Variants in DENND5B observed in about 807,000 individuals in gnomAD.
The protein encoded by DENND5B is DENN domain-containing protein 5B.
A neutral mutation model predicts 140.6 loss-of-function variants in DENND5B; 34 were observed. The observed-to-expected ratio is 0.24, with a 90% CI of 0.18 to 0.32. DENND5B has a LOEUF of 0.32. Among genes scored for constraint, DENND5B ranks in the 10% least tolerant of loss-of-function variants. The pLI, the probability that DENND5B is intolerant of heterozygous loss-of-function variation, is 1.00. For synonymous variants in DENND5B, 551 were observed against 562.1 expected, an observed-to-expected ratio of 0.98 and a Z score of 0.28; for missense variants, 1,142 against 1,560.2, an observed-to-expected ratio of 0.73 and a Z score of 4.52.
intron 18 of DENND5B, 23 bp from the exon 19 acceptor site, chr12:31,392,416 C>G (rs1295510471): frequency 1.2e-6 from 2 of 1,608,720 alleles, no homozygotes; most frequent in Admixed American, 1.7e-5. Context: ...ACACACAGTG[C>G]CAAAGAAAAA....
At chr12:31,565,478 T>A (rs771559530) in intron 1 of DENND5B, among the ~76,000 whole-genome samples, 3 of 152,236 alleles carry the variant, frequency 2.0e-5, no homozygotes, top group Non-Finnish European at 4.4e-5. Flanking sequence ...ACGTAGATAG[T>A]CTACTCCTAA....
chr12:31,449,555 T>TTA (rs1243829609), intron 5 of DENND5B, among the ~76,000 whole-genome samples: 3 of 152,284 alleles, frequency 2.0e-5, no homozygotes, highest in African/African-American at 7.2e-5. Flanking sequence ...TGAAAGGTAC[T>TTA]TATAAGCCTT....
intron 1 of DENND5B, among the ~76,000 whole-genome samples, chr12:31,561,683 C>T (rs1459606849): frequency 6.6e-6 from 1 of 152,084 alleles, no homozygotes; most frequent in African/African-American, 2.4e-5. Flanking sequence ...GAAAACATTG[C>T]CATTTCCAGG....
intron 1 of DENND5B, among the ~76,000 whole-genome samples, chr12:31,575,637 C>A (rs1396648566): frequency 6.6e-6 from 1 of 151,962 alleles, no homozygotes; most frequent in African/African-American, 2.4e-5. Flanking sequence ...GGTACTAAAC[C>A]CGAAAAGATG....
chr12:31,434,691 C>A (rs576289718), intron 7 of DENND5B, among the ~76,000 whole-genome samples: 4 of 152,178 alleles, frequency 2.6e-5, no homozygotes, highest in Admixed American at 2.6e-4. Context: ...GAATTTGGAA[C>A]CTGGCTCAGT....
At position 31,515,696 on chromosome 12, in the gene DENND5B, T is replaced by C. The variant is rs187330948; in HGVS notation, c.128-19777A>G. On this transcript the variant is annotated intron_variant, in intron 1 of 20. Coordinates refer to ENST00000389082, the MANE Select transcript of DENND5B (RefSeq NM_144973.4). ...ATATACAATTAATCAGTAGAAAAAC[T>C]GTTACATAGATATGCTTTTTACACT... Among the ~76,000 whole-genome samples the C allele has an allele frequency of 4.7e-4, 71 of 152,336 alleles. 1 individual carries two copies. Among genetic ancestry groups the C allele is most frequent in the African/African-American group, 1.6e-3 (68 of 41,582 alleles).
chr12:31,387,556 G>C lies in DENND5B; in HGVS notation c.*47C>G. On this transcript the variant is annotated 3_prime_UTR_variant, in exon 21 of 21. Transcript: ENST00000389082. Reference sequence around the variant, plus strand: ...CAGACAAGTCCAAATCGGTCCCCTAGTTGGGGAAGGAGCAAGGTTTGGACT... The same window carrying C: ...CAGACAAGTCCAAATCGGTCCCCTACTTGGGGAAGGAGCAAGGTTTGGACT... The C allele has an allele frequency of 1.3e-6, 2 of 1,579,246 alleles. No individual in the cohort carries two copies. The highest frequency in any genetic ancestry group is 1.7e-6 in the Non-Finnish European group (2 of 1,156,318).
intron 1 of DENND5B, among the ~76,000 whole-genome samples, chr12:31,497,141 G>A (rs1167532107): frequency 1.3e-5 from 2 of 150,412 alleles, no homozygotes; most frequent in African/African-American, 2.4e-5. Context: ...AAAACAGATC[G>A]CAGAAGGACG....
intron 1 of DENND5B, among the ~76,000 whole-genome samples, chr12:31,509,087 T>C (rs535830400): frequency 1.2e-3 from 181 of 152,122 alleles, no homozygotes; most frequent in African/African-American, 4.2e-3. Flanking sequence ...AAGTCTTCCT[T>C]CCTCCCTCCA....
intron 1 of DENND5B, among the ~76,000 whole-genome samples, chr12:31,543,035 C>CA (rs1356498948): frequency 6.6e-6 from 1 of 152,086 alleles, no homozygotes; most frequent in Non-Finnish European, 1.5e-5. Flanking sequence ...TAAATCTCTA[C>CA]AAAAAATACA....
intron 9 of DENND5B, among the ~76,000 whole-genome samples, chr12:31,425,298 T>C (rs912128238): frequency 1.3e-5 from 2 of 152,148 alleles, no homozygotes; most frequent in East Asian, 1.9e-4. Flanking sequence ...CGCTGCGTGA[T>C]AGAGCGAGAC....
intron 3 of DENND5B, among the ~76,000 whole-genome samples, chr12:31,466,417 A>C (rs1183319924): frequency 1.3e-5 from 2 of 151,696 alleles, no homozygotes; most frequent in African/African-American, 4.8e-5. Context: ...TTAAGGCTGG[A>C]CACAGTGGCT....
chr12:31,450,080 A>G (rs73082411), intron 5 of DENND5B, among the ~76,000 whole-genome samples: 273 of 152,316 alleles, frequency 1.8e-3, no homozygotes, highest in African/African-American at 4.4e-3. Context: ...AATGGTTAAG[A>G]CTAACGAAAA....
rs1449355511 is a variant in DENND5B at position 31,460,082 on chromosome 12, AG to A, written c.1092+111del. ...CTCCCCTAGCCATACTTGGAGATTT[AG>A]GAGAGTCAAAGAGACAGATAAAATT... On this transcript the variant is annotated intron_variant, in intron 4 of 20. Coordinates refer to ENST00000389082, the MANE Select transcript of DENND5B (RefSeq NM_144973.4). The A allele has an allele frequency of 1.2e-5, 12 of 1,043,392 alleles. No homozygotes were observed. In the African/African-American group the frequency reaches 1.9e-4, roughly 17 times the overall value. The allele number at this position is 1,043,392 out of a possible 1,614,324, so 64.6% of individuals were successfully genotyped here. A position where few individuals can be genotyped will look rare whatever the true frequency, so the allele number is the denominator to read the frequency against.
At chr12:31,418,495 T>C (rs1273898844) in intron 11 of DENND5B, among the ~76,000 whole-genome samples, 1 of 151,768 alleles carries the variant, frequency 6.6e-6, no homozygotes, top group East Asian at 1.9e-4. Flanking sequence ...TCTATGTTTA[T>C]GTTGCCCAGG....
intron 11 of DENND5B, among the ~76,000 whole-genome samples, chr12:31,422,286 T>C (rs1235318397): frequency 5.1e-4 from 75 of 145,918 alleles, no homozygotes; most frequent in African/African-American, 1.8e-3. Flanking sequence ...AAAAAATAGC[T>C]GGGCGTGCTC....
rs370466057 is a variant in DENND5B, at chr12:31,504,649, C to T, written c.128-8730G>A. Among the ~76,000 whole-genome samples, 4 of 152,200 alleles carry T rather than the reference C, an allele frequency of 2.6e-5. No homozygotes were observed. In the East Asian group the frequency reaches 7.7e-4, roughly 29 times the overall value. On this transcript the variant is annotated intron_variant, in intron 1 of 20. Transcript: ENST00000389082. Reference sequence around the variant, plus strand: ...GGGCCCCAGTAAGTTACCTCCTGCACTATCCACTTCCATCATAGCCTGTTT... The same window carrying T: ...GGGCCCCAGTAAGTTACCTCCTGCATTATCCACTTCCATCATAGCCTGTTT...
At chr12:31,587,805 C>T (rs1950449805) in intron 1 of DENND5B, among the ~76,000 whole-genome samples, 1 of 152,106 alleles carries the variant, frequency 6.6e-6, no homozygotes, top group Non-Finnish European at 1.5e-5. Flanking sequence ...CCTCGGCCTT[C>T]CAAAGTGCTA....
intron 1 of DENND5B, among the ~76,000 whole-genome samples, chr12:31,543,686 G>A (rs534919021): frequency 4.1e-4 from 62 of 152,248 alleles, no homozygotes; most frequent in African/African-American, 1.3e-3. Context: ...TACTTAGCAT[G>A]TAATAAAAGG....
Sources: gnomAD v4.1 joint callset for allele counts (sites outside exome capture counted in the v4.1 genomes callset) on GRCh38, gnomAD v4.1.1 for gene constraint, MANE v1.5 for transcripts, NCBI Gene and HGNC (gene_info 2026-07-23, HGNC 2026-07-21) for gene names.